Variants in NVL observed in about 807,000 individuals in gnomAD.
The protein encoded by NVL is nuclear VCP like, also known as nuclear valosin-containing protein-like.
NVL carries 84 observed loss-of-function variants against 110.2 expected under a neutral mutation model. The observed-to-expected ratio is 0.76, with a 90% CI of 0.64 to 0.91. The LOEUF (loss-of-function observed/expected upper bound fraction) is 0.91, where lower values mean the gene tolerates loss of function less well. NVL is among the 40% of genes least tolerant of loss of function. The pLI is 0.00. For missense variants in NVL, 882 were observed against 1,035.9 expected (o/e 0.85, Z 2.04); for synonymous variants, 354 against 361.1 (o/e 0.98, Z 0.22).
At chr1:224,322,716 G>C (rs776520883) in intron 2 of NVL, among the ~76,000 whole-genome samples, 2 of 152,172 alleles carry the variant, frequency 1.3e-5, no homozygotes, top group African/African-American at 2.4e-5. Flanking sequence ...CATGTTGGGA[G>C]AATGAGGCGG....
At chr1:224,239,039 T>C (rs776661086) in intron 19 of NVL, among the ~76,000 whole-genome samples, 28 of 152,328 alleles carry the variant, frequency 1.8e-4, no homozygotes, top group African/African-American at 2.4e-4. Context: ...CATAGTTCTA[T>C]GAATTAGACT....
chr1:224,238,527 G>A (rs6672211), intron 19 of NVL, among the ~76,000 whole-genome samples: 12,740 of 152,212 alleles, frequency 0.084, 842 homozygotes, highest in African/African-American at 0.18. Context: ...ACATCTGTTA[G>A]TTGCTATCAC....
chr1:224,265,789 C>T (rs765210156), intron 18 of NVL, among the ~76,000 whole-genome samples: 32 of 151,980 alleles, frequency 2.1e-4, no homozygotes, highest in Non-Finnish European at 3.2e-4. Context: ...GGATATGTTT[C>T]GCCACTCTCA....
At chr1:224,304,993 T>C (rs1668776962) in intron 7 of NVL, 41 bp downstream of exon 7, 4 of 1,606,186 alleles carry the variant, frequency 2.5e-6, no homozygotes, top group South Asian at 2.2e-5. Context: ...CTTCTCTCAC[T>C]GCAAACATGA....
At chr1:224,321,716 G>A (rs183908910) in intron 2 of NVL, among the ~76,000 whole-genome samples, 34 of 146,248 alleles carry the variant, frequency 2.3e-4, no homozygotes, top group African/African-American at 6.3e-4. Flanking sequence ...AGATTGCCCC[G>A]CTGCACTCCA....
chr1:224,299,298 T>C (rs886323455), intron 10 of NVL, among the ~76,000 whole-genome samples: 1 of 152,046 alleles, frequency 6.6e-6, no homozygotes, highest in Admixed American at 6.6e-5. Flanking sequence ...GTCAGTGACC[T>C]GGAAAGTTGA....
At chr1:224,260,974 C>T (rs1392438290) in intron 18 of NVL, among the ~76,000 whole-genome samples, 1 of 151,990 alleles carries the variant, frequency 6.6e-6, no homozygotes, top group Non-Finnish European at 1.5e-5. Context: ...CTCCTGAGTT[C>T]AAGCGATTCT....
intron 19 of NVL, among the ~76,000 whole-genome samples, chr1:224,240,300 C>T (rs1400204764): frequency 1.3e-5 from 2 of 152,108 alleles, no homozygotes; most frequent in African/African-American, 4.8e-5. Flanking sequence ...AACTTCTGAC[C>T]TCAGGTGATC....
Position 224,231,232 on chromosome 1 carries a change from T to G in NVL, c.2520A>C (p.Ser840=). The G allele has an allele frequency of 6.2e-7, 1 of 1,610,340 alleles. No individual in the cohort carries two copies. The highest frequency in any genetic ancestry group is 2.2e-5 in the East Asian group (1 of 44,850). ...EAFKKVRSSI[S]KKDQIMYERL... ...ATTTAATGGCATTGCTTACCTTTTTTGATATAGATGATCTTACTTTCTTGA... is the reference window on the plus strand; with the variant it reads ...ATTTAATGGCATTGCTTACCTTTTTGGATATAGATGATCTTACTTTCTTGA... The change falls in exon 22 of 23, where the codon TCA becomes TCC. Residue 840 remains serine (S), a synonymous_variant. Coordinates refer to ENST00000281701, the MANE Select transcript of NVL (RefSeq NM_002533.4).
At chr1:224,233,172 G>C in intron 21 of NVL, 29 bp downstream of exon 21, 3 of 1,577,246 alleles carry the variant, frequency 1.9e-6, no homozygotes, top group Non-Finnish European at 2.6e-6. Context: ...ATCATAATTA[G>C]AATTGAGAGA....
Position 224,227,797 on chromosome 1 carries a change from G to A in NVL, c.2527-127C>T, listed in dbSNP as rs999270394. 4 of 746,108 alleles carry A rather than the reference G, an allele frequency of 5.4e-6. No individual in the cohort carries two copies. The Admixed American group carries it at 1.0e-4, about 19-fold the overall frequency. 46.2% of individuals were successfully genotyped at this position (746,108 alleles called of 1,614,324 possible). The stretch of plus-strand genomic sequence containing the variant: ...CTCAGAATGTGATTGTAACTGGAGA[G>A]AGGGTCTTTATAGAGGAGACTGGAT... On this transcript the variant is annotated intron_variant, in intron 22 of 22. Transcript: ENST00000281701.
chr1:224,317,997 T>G (rs748755643), intron 2 of NVL, 67 bp from the exon 3 acceptor site: 2 of 1,068,114 alleles, frequency 1.9e-6, no homozygotes, highest in Non-Finnish European at 2.8e-6. Context: ...AAGTTCAATC[T>G]AAATGGATCA....
chr1:224,312,819 T>TAA (rs35580031), intron 4 of NVL: 17 of 65,370 alleles, frequency 2.6e-4, no homozygotes, highest in South Asian at 2.1e-3. Context: ...AGACTCTGCC[T>TAA]AAAAAAAAAA....
At chr1:224,261,369 G>C (rs1663962812) in intron 18 of NVL, among the ~76,000 whole-genome samples, 1 of 152,086 alleles carries the variant, frequency 6.6e-6, no homozygotes, top group African/African-American at 2.4e-5. Flanking sequence ...TTATACTACT[G>C]GTAGAAAATA....
chr1:224,281,048 G>T, intron 16 of NVL, 75 bp downstream of exon 16: 1 of 1,301,824 alleles, frequency 7.7e-7, no homozygotes, highest in Non-Finnish European at 1.1e-6. Context: ...AAAGATCTGA[G>T]AACATTTTAC....
Position 224,305,165 on chromosome 1 carries a change from T to C in NVL, c.617A>G (p.Asp206Gly), listed in dbSNP as rs777473962. 21 of 1,598,140 alleles carry C rather than the reference T, an allele frequency of 1.3e-5. No individual in the cohort carries two copies. Among genetic ancestry groups the C allele is most frequent in the Non-Finnish European group, 1.8e-5 (21 of 1,176,406 alleles). ...CTCCAAAAGAGAAGAATCTTTTGAA[T>C]CCTGGAAAGAAAATAAATTTAAATA... ...NPKKPITEIQ[D>G]SKDSSLLESD... is the part of the protein sequence containing the mutation. The change falls in exon 7 of 23, where the codon GAT becomes GGT. Residue 206 changes from aspartate (D) to glycine (G), a missense_variant and splice_region_variant. Physicochemically the swap from Asp to Gly is moderately conservative, Grantham distance 94. Coordinates refer to ENST00000281701, the MANE Select transcript of NVL (RefSeq NM_002533.4).
intron 4 of NVL, 104 bp downstream of exon 4, chr1:224,317,590 C>T (rs1051241576): frequency 1.6e-5 from 11 of 694,130 alleles, no homozygotes; most frequent in African/African-American, 7.1e-5. Context: ...GTAAATATCA[C>T]GCAGGGCTTT....
At chr1:224,258,733 A>T (rs1310480397) in intron 18 of NVL, among the ~76,000 whole-genome samples, 2 of 152,222 alleles carry the variant, frequency 1.3e-5, no homozygotes, top group Non-Finnish European at 2.9e-5. Flanking sequence ...GTATTGATAC[A>T]TTCTATAATA....
intron 2 of NVL, among the ~76,000 whole-genome samples, chr1:224,322,958 A>G (rs1466753853): frequency 1.3e-5 from 2 of 152,144 alleles, no homozygotes; most frequent in Non-Finnish European, 2.9e-5. Flanking sequence ...CATCTCCAAA[A>G]AAAAAAAGAC....
Sources: allele counts gnomAD v4.1 joint callset (sites outside exome capture counted in the v4.1 genomes callset), GRCh38; gene constraint gnomAD v4.1.1; transcripts MANE v1.5; gene names NCBI Gene and HGNC (gene_info 2026-07-23, HGNC 2026-07-21).